The following PTCD3 variants were observed in gnomAD, a reference collection of about 807,000 sequenced individuals.
The protein encoded by PTCD3 is pentatricopeptide repeat domain 3, also known as small ribosomal subunit protein mS39.
A neutral mutation model predicts 101.9 loss-of-function variants in PTCD3; 89 were observed. The ratio of observed to expected loss-of-function variants is 0.87; its 90% CI spans 0.74 to 1.04. The LOEUF (loss-of-function observed/expected upper bound fraction) is 1.04. Ranked by LOEUF, PTCD3 falls within the 50% of genes least tolerant of loss-of-function variation. The probability of loss-of-function intolerance (pLI) is 0.00; values close to 1 mark genes in which losing one functional copy is unlikely to be tolerated. For missense variants in PTCD3, 870 were observed against 828.2 expected, an observed-to-expected ratio of 1.05 and a Z score of -0.62; for synonymous variants, 296 against 278.5, an observed-to-expected ratio of 1.06 and a Z score of -0.63.
intron 1 of PTCD3, among the ~76,000 whole-genome samples, 163 bp downstream of exon 1, chr2:86,106,514 T>C (rs938986969): frequency 6.6e-6 from 1 of 152,162 alleles, no homozygotes; most frequent in South Asian, 2.1e-4. Context: ...CCCTTTGAAA[T>C]AGGATTCGCA....
intron 16 of PTCD3, 71 bp downstream of exon 16, chr2:86,131,177 G>C: frequency 1.7e-6 from 2 of 1,179,490 alleles, no homozygotes; most frequent in Non-Finnish European, 2.4e-6. Context: ...GTTCTCCCTG[G>C]TTCTTTTCAC....
intron 9 of PTCD3, among the ~76,000 whole-genome samples, chr2:86,124,026 T>C (rs766894216): frequency 5.4e-4 from 82 of 152,318 alleles, no homozygotes; most frequent in Non-Finnish European, 9.4e-4. Context: ...TTTCATATGG[T>C]ATGGTTCCTT....
At chr2:86,134,026 A>G (rs1416555072) in intron 19 of PTCD3, among the ~76,000 whole-genome samples, 1 of 152,206 alleles carries the variant, frequency 6.6e-6, no homozygotes, top group Non-Finnish European at 1.5e-5. Flanking sequence ...CCCAAGTGCT[A>G]TAAAACAACG....
At chr2:86,117,230 A>G (rs1573850113) in intron 6 of PTCD3, 71 bp downstream of exon 6, 1 of 635,628 alleles carries the variant, frequency 1.6e-6, no homozygotes, top group Non-Finnish European at 2.8e-6. Flanking sequence ...TTTCATGGCT[A>G]ATATTTCAGT....
At chr2:86,108,309 C>T (rs1674002445) in intron 1 of PTCD3, 41 bp from the exon 2 acceptor site, 1 of 1,587,272 alleles carries the variant, frequency 6.3e-7, no homozygotes, top group Non-Finnish European at 8.5e-7. Flanking sequence ...CTGGGTACTT[C>T]ATTAATGACT....
intron 9 of PTCD3, 149 bp downstream of exon 9, chr2:86,123,911 C>A: frequency 1.9e-6 from 1 of 521,988 alleles, no homozygotes; most frequent in Non-Finnish European, 3.2e-6. Flanking sequence ...TATTCATACA[C>A]ATTTAGACCG....
At chr2:86,128,084 A>G (rs1007039796) in intron 14 of PTCD3, 93 bp downstream of exon 14, 3 of 1,055,322 alleles carry the variant, frequency 2.8e-6, no homozygotes, top group African/African-American at 3.1e-5. Context: ...TCTTCTCTGC[A>G]TATGAATTAA....
chr2:86,137,283 T>G, intron 23 of PTCD3, 143 bp downstream of exon 23: 1 of 1,310,280 alleles, frequency 7.6e-7, no homozygotes, highest in Non-Finnish European at 1.0e-6. Context: ...TCATTTGTCA[T>G]GCAAGTCAGG....
chr2:86,134,234 CAA>C (rs1433300272), intron 19 of PTCD3, 56 bp from the exon 20 acceptor site: 24 of 1,325,732 alleles, frequency 1.8e-5, no homozygotes, highest in Non-Finnish European at 2.4e-5. Flanking sequence ...TGACAGTGAA[CAA>C]AAGTGTGTTG....
intron 19 of PTCD3, among the ~76,000 whole-genome samples, chr2:86,133,845 G>A (rs1012005816): frequency 1.3e-5 from 2 of 152,194 alleles, no homozygotes; most frequent in Non-Finnish European, 2.9e-5. Context: ...ATAGCCATGA[G>A]CATCACGCAT....
rs892628075 is a variant in PTCD3 at position 86,110,135 on chromosome 2, T to C, written c.195-978T>C. On this transcript the variant is annotated intron_variant, in intron 3 of 23. Transcript: ENST00000254630. ...GAATGTCATCATTTTTTCACTGCCATTTGTTCAATATGTTAGGAAAGTTTG... is the reference window on the plus strand; with the variant it reads ...GAATGTCATCATTTTTTCACTGCCACTTGTTCAATATGTTAGGAAAGTTTG... 9.2e-5 allele frequency among the ~76,000 whole-genome samples: 14 copies of C among 152,354 alleles called. No individual in the cohort carries two copies. In the East Asian group the frequency reaches 1.9e-3, roughly 21 times the overall value.
Position 86,131,180 on chromosome 2 carries a change from C to A in PTCD3, c.1266+74C>A, listed in dbSNP as rs970638354. 9.8e-6 allele frequency: 11 copies of A among 1,123,590 alleles called. No homozygotes were observed. The Admixed American group carries it at 1.3e-4, about 13-fold the overall frequency. 69.6% of individuals were successfully genotyped at this position (1,123,590 alleles called of 1,614,324 possible). A position where few individuals can be genotyped will look rare whatever the true frequency, so the allele number is the denominator to read the frequency against. ...TGTAACTGGAGGGTTCTCCCTGGTTCTTTTCACTTTCTAACTCTTCTGTTC... is the reference window on the plus strand; with the variant it reads ...TGTAACTGGAGGGTTCTCCCTGGTTATTTTCACTTTCTAACTCTTCTGTTC... On this transcript the variant is annotated intron_variant, in intron 16 of 23. Transcript: ENST00000254630.
chr2:86,137,078 A>C lies in PTCD3; in HGVS notation c.1917A>C (p.Leu639Phe). 1 of 1,612,406 alleles carries C rather than the reference A, an allele frequency of 6.2e-7. No individual in the cohort carries two copies. Among genetic ancestry groups the C allele is most frequent in the Non-Finnish European group, 8.5e-7 (1 of 1,179,486 alleles). ...TAGAGCTGGCAAGTGCCTTCAGCTT[A>C]CCTATTTGTGAGGGCCTCACCCAGA... ...EVVELASAFS[L>F]PICEGLTQRV... Residue 639 changes from leucine to phenylalanine, a missense_variant, in exon 23 of 24, where the codon TTA (leucine) becomes TTC (phenylalanine). Transcript: ENST00000254630.
At chr2:86,109,166 G>A (rs1477047011) in intron 3 of PTCD3, among the ~76,000 whole-genome samples, 2 of 152,192 alleles carry the variant, frequency 1.3e-5, no homozygotes, top group African/African-American at 2.4e-5. Context: ...AGCACTTTGG[G>A]AGGCCGAGGC....
In PTCD3 at chr2:86,137,470, G is replaced by T; in HGVS notation, c.1981G>T (p.Glu661Ter). Residue 661 changes from glutamate (E) to a stop codon, truncating the protein, a stop_gained and splice_region_variant, in exon 24 of 24, where the codon GAA becomes TAA. Coordinates refer to ENST00000254630, the MANE Select transcript of PTCD3 (RefSeq NM_017952.6). LOFTEE classifies it low-confidence loss of function (END_TRUNC). ...SDFAINQEQK[E>*]ALSNLTALTS... ...TCCTCCATTTTCTTTTCTTAACAGG[G>T]AAGCCCTAAGTAATCTAACTGCATT... 2 of 1,613,550 alleles carry T rather than the reference G, an allele frequency of 1.2e-6. No individual in the cohort carries two copies. The highest frequency in any genetic ancestry group is 1.7e-6 in the Non-Finnish European group (2 of 1,179,898).
rs377492723 is a variant in PTCD3 at position 86,127,987 on chromosome 2, A to G, written c.1143A>G (p.Gln381=). The G allele has an allele frequency of 2.5e-6, 4 of 1,604,846 alleles. No homozygotes were observed. Among genetic ancestry groups the G allele is most frequent in the East Asian group, 2.2e-5 (1 of 44,808 alleles). Residue 381 remains glutamine (Q), a synonymous_variant, in exon 14 of 24, where the codon CAA becomes CAG. Coordinates refer to ENST00000254630, the MANE Select transcript of PTCD3 (RefSeq NM_017952.6). The stretch of plus-strand genomic sequence containing the variant: ...ACCATATTATTCGCCTGTTTGATCA[A>G]CCTGGTATGTATGGCCTTAAATTGT... ...TYHHIIRLFD[Q]PGDPLKRSSF... is the part of the protein sequence containing the mutation.
chr2:86,136,950 G>T, intron 22 of PTCD3, 32 bp from the exon 23 acceptor site: 1 of 1,611,722 alleles, frequency 6.2e-7, no homozygotes, highest in Non-Finnish European at 8.5e-7. Flanking sequence ...GAAGGGGCTG[G>T]AGAAAGTTCA....
At chr2:86,126,146 A>G (rs1430911865) in intron 12 of PTCD3, among the ~76,000 whole-genome samples, 6 of 150,332 alleles carry the variant, frequency 4.0e-5, no homozygotes, top group Non-Finnish European at 7.4e-5. Context: ...AAGAGAATCT[A>G]TTGAACCCGG....
chr2:86,136,477 T>TGTTTTTCTAATAGTATTCATAATC, intron 21 of PTCD3, 44 bp from the exon 22 acceptor site: 1 of 1,556,784 alleles, frequency 6.4e-7, no homozygotes, highest in Non-Finnish European at 8.9e-7. Flanking sequence ...CTGATTGCCT[T>TGTTTTTCTAATAGTATTCATAATC]GTTTTTCTAA....
Sources: gnomAD v4.1 joint callset for allele counts (sites outside exome capture counted in the v4.1 genomes callset) on GRCh38, gnomAD v4.1.1 for gene constraint, MANE v1.5 for transcripts, NCBI Gene and HGNC (gene_info 2026-07-23, HGNC 2026-07-21) for gene names.